The following SSUH2 variants were observed in gnomAD, a reference collection of about 807,000 sequenced individuals.
The protein encoded by SSUH2 is protein SSUH2 homolog.
A neutral mutation model predicts 55.3 loss-of-function variants in SSUH2; 47 were observed. The observed-to-expected ratio is 0.85, with a 90% CI of 0.67 to 1.08. The LOEUF (loss-of-function observed/expected upper bound fraction) is 1.08. Ranked by LOEUF, SSUH2 falls within the 50% of genes least tolerant of loss-of-function variation. The probability of loss-of-function intolerance (pLI) is 0.00; values close to 1 mark genes in which losing one functional copy is unlikely to be tolerated. For synonymous variants in SSUH2, 212 were observed against 191.5 expected (o/e 1.11, Z -0.89); for missense variants, 535 against 490.7 (o/e 1.09, Z -0.85).
At chr3:8,639,494 C>T (rs1179323665) in intron 1 of SSUH2, among the ~76,000 whole-genome samples, 1 of 152,210 alleles carries the variant, frequency 6.6e-6, no homozygotes, top group Admixed American at 6.5e-5. Flanking sequence ...CTTAGCTGAA[C>T]ACCCTATGGC....
At chr3:8,644,647 T>C (rs1206746408) in intron 1 of SSUH2, 84 bp downstream of exon 1, 2 of 1,204,214 alleles carry the variant, frequency 1.7e-6, no homozygotes, top group African/African-American at 1.5e-5. Context: ...TTCCAACATA[T>C]TAGAGGTCAG....
At chr3:8,633,640 GC>G in intron 4 of SSUH2, 25 bp downstream of exon 4, 3 of 1,493,016 alleles carry the variant, frequency 2.0e-6, no homozygotes, top group Non-Finnish European at 1.8e-6. Context: ...CCCGGCCAAG[GC>G]CCCCCACCGG....
intron 5 of SSUH2, among the ~76,000 whole-genome samples, chr3:8,666,008 C>G (rs1372840816): frequency 6.6e-6 from 1 of 152,148 alleles, no homozygotes; most frequent in Non-Finnish European, 1.5e-5. Flanking sequence ...TGAAAGCCCA[C>G]TTGATTAAGT....
intron 7 of SSUH2, 108 bp from the exon 8 acceptor site, chr3:8,627,891 G>A (rs1697933350): frequency 2.4e-5 from 21 of 857,304 alleles, no homozygotes; most frequent in Non-Finnish European, 3.5e-5. Flanking sequence ...CTCCCCCTGG[G>A]CCTTAGCCCC....
intron 2 of SSUH2, among the ~76,000 whole-genome samples, chr3:8,679,511 A>G (rs1384619596): frequency 7.6e-6 from 1 of 131,612 alleles, no homozygotes; most frequent in Non-Finnish European, 1.6e-5. Context: ...TGGCTTTGGG[A>G]CCCTCATCGC....
At chr3:8,681,682 C>T (rs1705963909) in intron 1 of SSUH2, among the ~76,000 whole-genome samples, 1 of 151,638 alleles carries the variant, frequency 6.6e-6, no homozygotes, top group Admixed American at 6.6e-5. Context: ...GCCCCTCTTC[C>T]CCCCGGCTCT....
chr3:8,645,160 T>C (rs1268175579), upstream of SSUH2, among the ~76,000 whole-genome samples: 1 of 152,084 alleles, frequency 6.6e-6, no homozygotes, highest in African/African-American at 2.4e-5. Flanking sequence ...GACTCCTAAG[T>C]ATTGTAGGGC....
At chr3:8,675,306 C>T (rs1164255076) in intron 3 of SSUH2, among the ~76,000 whole-genome samples, 6 of 152,254 alleles carry the variant, frequency 3.9e-5, no homozygotes, top group South Asian at 2.1e-4. Flanking sequence ...ACACTTGGAC[C>T]GGGCTTCCCC....
intron 7 of SSUH2, among the ~76,000 whole-genome samples, 163 bp from the exon 8 acceptor site, chr3:8,627,946 T>A (rs1189738655): frequency 6.6e-6 from 1 of 152,152 alleles, no homozygotes; most frequent in Admixed American, 6.5e-5. Context: ...TATCTTTGGA[T>A]CCTTCCAGTT....
intron 2 of SSUH2, chr3:8,679,658 C>A (rs185213767): frequency 6.9e-5 from 13 of 189,336 alleles, no homozygotes; most frequent in Admixed American, 1.3e-4. Context: ...CTCTTCCCCC[C>A]CTGGCTTAGG....
intron 1 of SSUH2, among the ~76,000 whole-genome samples, chr3:8,643,003 T>C (rs145262608): frequency 1.3e-5 from 2 of 152,306 alleles, no homozygotes; most frequent in East Asian, 3.9e-4. Flanking sequence ...CCTAGACTTG[T>C]AATGGGCCCA....
At chr3:8,647,747 A>G (rs897621611), upstream of SSUH2, among the ~76,000 whole-genome samples, 4 of 152,004 alleles carry the variant, frequency 2.6e-5, no homozygotes, top group African/African-American at 9.7e-5. Flanking sequence ...TCACAACCCA[A>G]CCGAACCCAG....
intron 1 of SSUH2, among the ~76,000 whole-genome samples, chr3:8,643,637 A>G (rs567299869): frequency 1.3e-5 from 2 of 152,332 alleles, no homozygotes; most frequent in South Asian, 2.1e-4. Flanking sequence ...TAAAACTTAA[A>G]GCTTTAAGAT....
intron 3 of SSUH2, 132 bp from the exon 4 acceptor site, chr3:8,633,927 T>TG (rs1047375172): frequency 1.2e-6 from 2 of 1,613,888 alleles, no homozygotes; most frequent in Non-Finnish European, 1.7e-6. Flanking sequence ...GCAGTCCAAC[T>TG]GGGGAGGGCA....
chr3:8,644,911 AG>A (rs1701476738), upstream of SSUH2: 2 of 708,248 alleles, frequency 2.8e-6, no homozygotes, highest in African/African-American at 3.5e-5. Context: ...CGTTCATCAT[AG>A]CAGCTGCTCT....
chr3:8,625,683 G>A, intron 9 of SSUH2, 36 bp from the exon 10 acceptor site: 2 of 1,450,084 alleles, frequency 1.4e-6, no homozygotes, highest in South Asian at 1.1e-5. Context: ...AAAGCACACA[G>A]TGTGGCAGGT....
At chr3:8,634,870 C>T (rs1460112532) in intron 3 of SSUH2, among the ~76,000 whole-genome samples, 4 of 152,200 alleles carry the variant, frequency 2.6e-5, no homozygotes, top group African/African-American at 7.2e-5. Flanking sequence ...GGATCTAGAC[C>T]AGGGTCAGCA....
upstream of SSUH2, among the ~76,000 whole-genome samples, chr3:8,649,062 C>T (rs372225965): frequency 5.9e-5 from 9 of 152,174 alleles, no homozygotes; most frequent in African/African-American, 2.2e-4. Context: ...CCCCTACCCT[C>T]CAACAATGGG....
At chr3:8,679,567 T>G (rs556099094) in intron 2 of SSUH2, 1 of 118,410 alleles carries the variant, frequency 8.4e-6, no homozygotes, top group African/African-American at 3.5e-5. Context: ...AGAGCCAGCC[T>G]CTCTTCCCCC....
Sources: gnomAD v4.1 joint callset for allele counts (sites outside exome capture counted in the v4.1 genomes callset) on GRCh38, gnomAD v4.1.1 for gene constraint, MANE v1.5 for transcripts, NCBI Gene and HGNC (gene_info 2026-07-23, HGNC 2026-07-21) for gene names.